KLHL5: variants seen among roughly 807,000 people sequenced by gnomAD.
KLHL5 encodes the protein kelch like family member 5.
Under a neutral mutation model 77.7 loss-of-function variants are expected in KLHL5, and 48 were observed. The ratio of observed to expected loss-of-function variants is 0.62; its 90% CI spans 0.49 to 0.79. KLHL5 has a LOEUF of 0.79. KLHL5 is among the 30% of genes least tolerant of loss of function. The probability of loss-of-function intolerance (pLI) is 0.00; values close to 1 mark genes in which losing one functional copy is unlikely to be tolerated. For synonymous variants in KLHL5, 260 were observed against 297.0 expected, an observed-to-expected ratio of 0.88 and a Z score of 1.28; for missense variants, 723 against 859.7, an observed-to-expected ratio of 0.84 and a Z score of 1.99.
At chr4:39,130,134 A>T (rs1723740205), downstream of KLHL5, among the ~76,000 whole-genome samples, 1 of 152,208 alleles carries the variant, frequency 6.6e-6, no homozygotes, top group African/African-American at 2.4e-5. Context: ...GAAGTGGGAA[A>T]TCAGGGGTCT....
intron 6 of KLHL5, among the ~76,000 whole-genome samples, chr4:39,100,428 G>A (rs1721439349): frequency 6.6e-6 from 1 of 152,056 alleles, no homozygotes; most frequent in Non-Finnish European, 1.5e-5. Flanking sequence ...ACATATTTTG[G>A]TCATGTTAAT....
chr4:39,140,544 A>G, the KLHL5 span, among the ~76,000 whole-genome samples: 3 of 152,302 alleles, frequency 2.0e-5, no homozygotes, highest in South Asian at 4.1e-4. Flanking sequence ...ATTGGTTCAA[A>G]TTTTGGTTAA....
At chr4:39,096,185 GGA>G (rs1342840718) in intron 5 of KLHL5, among the ~76,000 whole-genome samples, 2,213 of 152,038 alleles carry the variant, frequency 0.015, 52 homozygotes, top group African/African-American at 0.051. Flanking sequence ...GACACAAAAG[GGA>G]TTTTAATGTT....
chr4:39,052,613 C>T (rs1324799935), intron 1 of KLHL5, among the ~76,000 whole-genome samples: 8 of 152,110 alleles, frequency 5.3e-5, no homozygotes, highest in African/African-American at 9.7e-5. Context: ...TCAAGAATTG[C>T]ACTTTAGAAG....
In KLHL5 at chr4:39,095,135, T is replaced by G. The variant is rs144508788; in HGVS notation, c.1114-1557T>G. ...GTGTATTACAAGGAACTCTTAAAAT[T>G]TTTAATCAAAAGATAGTAGAAAAGA... is the stretch of plus-strand genomic sequence containing the variant. On this transcript the variant is annotated intron_variant, in intron 5 of 10. Transcript: ENST00000504108. 3.0e-3 allele frequency among the ~76,000 whole-genome samples: 461 copies of G among 152,240 alleles called. 2 individuals carry two copies. Among genetic ancestry groups the G allele is most frequent in the African/African-American group, 0.011 (439 of 41,562 alleles).
At chr4:39,047,275 G>A (rs1476480576) in intron 1 of KLHL5, among the ~76,000 whole-genome samples, 2 of 152,052 alleles carry the variant, frequency 1.3e-5, no homozygotes, top group African/African-American at 2.4e-5. Flanking sequence ...AAAATTAGCC[G>A]GGAGTGGTGC....
At position 39,086,735 on chromosome 4, in the gene KLHL5, A is replaced by G. The variant is rs1416552383; in HGVS notation, c.1113+8A>G. The G allele has an allele frequency of 1.3e-6, 2 of 1,594,322 alleles. No individual in the cohort carries two copies. The highest frequency in any genetic ancestry group is 1.7e-6 in the Non-Finnish European group (2 of 1,162,106). On this transcript the variant is annotated splice_region_variant and intron_variant, in intron 5 of 10. Transcript: ENST00000504108. ...CCTCTTCTTGCACCACAGGTAATTA[A>G]TAGGCACTTGTTTATAGGAATTTTT... is the stretch of plus-strand genomic sequence containing the variant.
intron 1 of KLHL5, among the ~76,000 whole-genome samples, chr4:39,045,919 T>A (rs1177372836): frequency 6.6e-6 from 1 of 150,788 alleles, no homozygotes; most frequent in Non-Finnish European, 1.5e-5. Context: ...AATGAGCTGC[T>A]GTTATGTGCC....
At chr4:39,086,300 C>A (rs1388468273) in intron 4 of KLHL5, among the ~76,000 whole-genome samples, 1 of 152,118 alleles carries the variant, frequency 6.6e-6, no homozygotes, top group Non-Finnish European at 1.5e-5. Context: ...AGTGATACAA[C>A]ACTTTAATTC....
At chr4:39,092,626 A>G (rs1720686985) in intron 5 of KLHL5, among the ~76,000 whole-genome samples, 1 of 152,194 alleles carries the variant, frequency 6.6e-6, no homozygotes, top group East Asian at 1.9e-4. Context: ...ACCAAAATGT[A>G]TATTCTGGTG....
At chr4:39,048,199 A>T (rs1716344546) in intron 1 of KLHL5, among the ~76,000 whole-genome samples, 1 of 152,210 alleles carries the variant, frequency 6.6e-6, no homozygotes, top group African/African-American at 2.4e-5. Context: ...AGAGTTCGAG[A>T]TGGCAAGTAC....
At chr4:39,120,910 T>C in intron 10 of KLHL5, 100 bp from the exon 11 acceptor site, 1 of 938,350 alleles carries the variant, frequency 1.1e-6, no homozygotes, top group African/African-American at 1.6e-5. Context: ...CAACAACCCT[T>C]TGCCAACAAG....
chr4:39,141,458 G>A, the KLHL5 span, among the ~76,000 whole-genome samples: 33 of 151,858 alleles, frequency 2.2e-4, no homozygotes, highest in African/African-American at 5.8e-4. Flanking sequence ...ACAGGCGCCC[G>A]CCACCACGCC....
At chr4:39,059,975 A>C (rs1420919131), upstream of KLHL5, among the ~76,000 whole-genome samples, 1 of 152,196 alleles carries the variant, frequency 6.6e-6, no homozygotes. Flanking sequence ...TAGATATAAA[A>C]GCCTCACAAG....
intron 8 of KLHL5, among the ~76,000 whole-genome samples, chr4:39,112,173 A>G (rs1212816538): frequency 6.6e-6 from 1 of 152,198 alleles, no homozygotes; most frequent in East Asian, 1.9e-4. Flanking sequence ...AATATTTTAC[A>G]AACTTTTAGG....
At chr4:39,086,068 A>G (rs1720010640) in intron 4 of KLHL5, among the ~76,000 whole-genome samples, 1 of 152,156 alleles carries the variant, frequency 6.6e-6, no homozygotes, top group African/African-American at 2.4e-5. Context: ...TCTTAGTAAG[A>G]GAAGTAACCA....
At chr4:39,109,447 C>T (rs1722290443) in intron 8 of KLHL5, among the ~76,000 whole-genome samples, 1 of 151,744 alleles carries the variant, frequency 6.6e-6, no homozygotes, top group Non-Finnish European at 1.5e-5. Context: ...TACAGGTGTG[C>T]ACTACCATGT....
At chr4:39,088,837 A>C (rs1720278466) in intron 5 of KLHL5, among the ~76,000 whole-genome samples, 1 of 152,130 alleles carries the variant, frequency 6.6e-6, no homozygotes, top group African/African-American at 2.4e-5. Flanking sequence ...TGAAGTCATG[A>C]GCAAATATAT....
At chr4:39,077,515 A>G (rs140701289) in intron 2 of KLHL5, among the ~76,000 whole-genome samples, 17 of 152,190 alleles carry the variant, frequency 1.1e-4, no homozygotes, top group African/African-American at 4.1e-4. Flanking sequence ...GATGCAAGTC[A>G]GAACCACAAG....
Sources: allele counts gnomAD v4.1 joint callset (sites outside exome capture counted in the v4.1 genomes callset), GRCh38; gene constraint gnomAD v4.1.1; transcripts MANE v1.5; gene names NCBI Gene and HGNC (gene_info 2026-07-23, HGNC 2026-07-21).